ACP6: variants seen among roughly 807,000 people sequenced by gnomAD.
The protein encoded by ACP6 is lysophosphatidic acid phosphatase type 6.
A neutral mutation model predicts 48.1 loss-of-function variants in ACP6; 48 were observed. The ratio of observed to expected loss-of-function variants is 1.00; its 90% CI spans 0.79 to 1.27. The LOEUF is 1.27. Among genes scored for constraint, ACP6 ranks in the 50% most tolerant of loss-of-function variants. The pLI is 0.00. For synonymous variants in ACP6, 172 were observed against 204.2 expected (o/e 0.84, Z 1.34); for missense variants, 485 against 529.1 (o/e 0.92, Z 0.82).
chr1:147,655,270 C>G, intron 4 of ACP6, 22 bp from the exon 5 acceptor site: 1 of 1,560,544 alleles, frequency 6.4e-7, no homozygotes, highest in Non-Finnish European at 8.8e-7. Flanking sequence ...GGAGGAAGCA[C>G]AGGCAGGCAG....
chr1:147,650,031 C>T, intron 8 of ACP6, 112 bp downstream of exon 8: 1 of 845,670 alleles, frequency 1.2e-6, no homozygotes. Flanking sequence ...AAACATCTAC[C>T]TTCGGTCACT....
At chr1:147,637,412 C>T (rs782264324), downstream of ACP6, among the ~76,000 whole-genome samples, 1 of 152,196 alleles carries the variant, frequency 6.6e-6, no homozygotes, top group Admixed American at 6.5e-5. Flanking sequence ...CAATACTGTT[C>T]TGCGTGTGGT....
rs1553209282 is a variant in ACP6 at position 147,644,973 on chromosome 1, T to C, written c.*2450A>G. 8.1e-6 allele frequency: 1 copy of C among 122,864 alleles called. No homozygotes were observed. Among genetic ancestry groups the C allele is most frequent in the East Asian group, 2.5e-4 (1 of 4,064 alleles). The allele number at this position is 122,864 out of a possible 1,614,324, so 7.6% of individuals were successfully genotyped here. A position where few individuals can be genotyped will look rare whatever the true frequency, so the allele number is the denominator to read the frequency against. ...GAGACATTGTGTAAATATTTAAAAC[T>C]GGAAATTCTTTTTTTTTTTTTGAGA... On this transcript the variant is annotated 3_prime_UTR_variant, in exon 10 of 10. Transcript: ENST00000583509.
chr1:147,631,553 C>T (rs12085449), intron 5 of ACP6, among the ~76,000 whole-genome samples: 42,651 of 152,108 alleles, frequency 0.28, 7,772 homozygotes, highest in Non-Finnish European at 0.4. Flanking sequence ...CTGTGGCTCA[C>T]GCCTGTAATC....
At chr1:147,666,786 C>T (rs1316720299) in intron 1 of ACP6, among the ~76,000 whole-genome samples, 6 of 152,168 alleles carry the variant, frequency 3.9e-5, no homozygotes, top group Non-Finnish European at 7.3e-5. Context: ...CGGTTAAGAA[C>T]CATCGATCCT....
intron 4 of ACP6, 111 bp from the exon 5 acceptor site, chr1:147,655,359 G>C: frequency 2.5e-6 from 2 of 811,476 alleles, no homozygotes; most frequent in Non-Finnish European, 4.0e-6. Flanking sequence ...TGCTCTGAGA[G>C]GCAGATCATC....
chr1:147,654,457 C>A (rs782537166), intron 5 of ACP6, 131 bp from the exon 6 acceptor site: 37 of 994,906 alleles, frequency 3.7e-5, no homozygotes, highest in Non-Finnish European at 5.2e-5. Context: ...CTGGTATTAT[C>A]CCAATTTTAT....
At chr1:147,655,737 A>C (rs1271178978) in intron 4 of ACP6, among the ~76,000 whole-genome samples, 1 of 152,198 alleles carries the variant, frequency 6.6e-6, no homozygotes, top group Non-Finnish European at 1.5e-5. Context: ...CAGAGACCCC[A>C]TAGCCTTGCC....
intron 9 of ACP6, chr1:147,647,984 C>T (rs782373615): frequency 3.2e-5 from 17 of 523,420 alleles, no homozygotes; most frequent in Non-Finnish European, 5.8e-5. Context: ...GACAGGGACG[C>T]TCAGGAGAAG....
In ACP6 at chr1:147,648,319, A is replaced by C. The variant is rs781939778; in HGVS notation, c.1070T>G (p.Val357Gly). ...IFDHKWPPFA[V>G]DLTMELYQHL... ...CTGGTAAAGTTCCATGGTCAGGTCA[A>C]CAGCAAACGGTGGCCATTTGTGGTC... Residue 357 changes from valine to glycine, a missense_variant, in exon 9 of 10, where the codon GTT (valine) becomes GGT (glycine). Transcript: ENST00000583509. The C allele has an allele frequency of 1.2e-6, 2 of 1,614,070 alleles. No individual in the cohort carries two copies. The highest frequency in any genetic ancestry group is 1.7e-6 in the Non-Finnish European group (2 of 1,180,030).
chr1:147,651,978 G>A (rs1659947157), intron 7 of ACP6: 1 of 153,746 alleles, frequency 6.5e-6, no homozygotes, highest in Admixed American at 6.5e-5. Flanking sequence ...CCAAGTTCTG[G>A]CTCCATCACT....
Position 147,669,864 on chromosome 1 carries a change from C to A in ACP6, c.185G>T (p.Arg62Leu). ...CAGCGGGAGCGGCTTGAGAGGACTC[C>A]GAGCCCCGTGTCGAAACACGACCTG... Reference protein sequence around the residue: ...MVQVVFRHGARSPLKPLPLEE... With the variant: ...MVQVVFRHGALSPLKPLPLEE... The change falls in exon 1 of 10, where the codon CGG becomes CTG. Residue 62 changes from arginine (R) to leucine (L), a missense_variant. Physicochemically the swap from Arg to Leu is moderately radical, Grantham distance 102. Coordinates refer to ENST00000583509, the MANE Select transcript of ACP6 (RefSeq NM_016361.5). The A allele has an allele frequency of 6.3e-7, 1 of 1,599,588 alleles. No homozygotes were observed. Among genetic ancestry groups the A allele is most frequent in the Non-Finnish European group, 8.5e-7 (1 of 1,173,838 alleles).
At position 147,647,243 on chromosome 1, in the gene ACP6, A is replaced by G. The variant is rs987148857; in HGVS notation, c.*180T>C. On this transcript the variant is annotated 3_prime_UTR_variant, in exon 10 of 10. Transcript: ENST00000583509. ...ATAGAGAAATATCCTTTTGGTCTCA[A>G]TATTATACCCCTTTTCCGTTCAGGA... The G allele has an allele frequency of 8.5e-6, 6 of 708,164 alleles. No homozygotes were observed. The highest frequency in any genetic ancestry group is 6.3e-5 in the Admixed American group (2 of 31,830). 43.9% of individuals were successfully genotyped at this position (708,164 alleles called of 1,614,324 possible).
At chr1:147,666,166 C>T (rs1218108851) in intron 1 of ACP6, among the ~76,000 whole-genome samples, 1 of 152,190 alleles carries the variant, frequency 6.6e-6, no homozygotes, top group Non-Finnish European at 1.5e-5. Context: ...CATAAAGAAA[C>T]AAACTTGATC....
At chr1:147,659,598 A>C (rs781791329) in intron 2 of ACP6, 49 bp downstream of exon 2, 2 of 1,613,700 alleles carry the variant, frequency 1.2e-6, no homozygotes, top group Non-Finnish European at 8.5e-7. Context: ...CAGAGAAAAC[A>C]ACCCAACCTT....
chr1:147,647,663 G>A (rs1046472726), intron 9 of ACP6, 97 bp from the exon 10 acceptor site: 5 of 1,451,352 alleles, frequency 3.4e-6, no homozygotes, highest in Non-Finnish European at 4.6e-6. Context: ...GATCCATGTG[G>A]TATACATGTG....
intron 1 of ACP6, among the ~76,000 whole-genome samples, chr1:147,666,560 C>T (rs75294546): frequency 3.3e-4 from 50 of 152,256 alleles, no homozygotes; most frequent in Non-Finnish European, 5.7e-4. Flanking sequence ...TTACTGATGC[C>T]TGAGTCCCAA....
At chr1:147,667,781 A>C (rs1388383802) in intron 1 of ACP6, among the ~76,000 whole-genome samples, 1 of 152,090 alleles carries the variant, frequency 6.6e-6, no homozygotes, top group African/African-American at 2.4e-5. Context: ...CATGAGATCA[A>C]GATATCGAGA....
chr1:147,647,050 G>A lies in ACP6; in HGVS notation c.*373C>T, dbSNP rs2148901792. Reference sequence around the variant, plus strand: ...TGGACTGCAACAACTTGAGGGCAGAGTGTTTTCACCTTTATAATGATCACT... The same window carrying A: ...TGGACTGCAACAACTTGAGGGCAGAATGTTTTCACCTTTATAATGATCACT... On this transcript the variant is annotated 3_prime_UTR_variant, in exon 10 of 10. Transcript: ENST00000583509. 5.4e-6 allele frequency: 1 copy of A among 186,558 alleles called. No individual in the cohort carries two copies. Among genetic ancestry groups the A allele is most frequent in the South Asian group, 9.6e-5 (1 of 10,466 alleles). The allele number at this position is 186,558 out of a possible 1,614,324, so 11.6% of individuals were successfully genotyped here.
Sources: gnomAD v4.1 joint callset for allele counts (sites outside exome capture counted in the v4.1 genomes callset) on GRCh38, gnomAD v4.1.1 for gene constraint, MANE v1.5 for transcripts, NCBI Gene and HGNC (gene_info 2026-07-23, HGNC 2026-07-21) for gene names.